The following NFATC1 variants were observed in gnomAD, a reference collection of about 807,000 sequenced individuals.
The protein encoded by NFATC1 is nuclear factor of activated T cells 1.
In NFATC1, 22 loss-of-function variants were observed where a neutral mutation model predicts 76.0. The observed-to-expected ratio is 0.29, with a 90% CI of 0.21 to 0.41. The LOEUF is 0.41. NFATC1 is among the 10% of genes least tolerant of loss of function. NFATC1 has a pLI of 1.00. For missense variants in NFATC1, 1,357 were observed against 1,337.7 expected (o/e 1.01, Z -0.23); for synonymous variants, 704 against 613.1 (o/e 1.15, Z -2.19).
chr18:79,469,497 T>G (rs2088685321), intron 8 of NFATC1: 6 of 985,358 alleles, frequency 6.1e-6, no homozygotes, highest in Non-Finnish European at 6.0e-6. Flanking sequence ...TCCTGCTACC[T>G]CCAGTCCACA....
At chr18:79,496,123 C>T (rs985873496) in intron 9 of NFATC1, 12 of 152,546 alleles carry the variant, frequency 7.9e-5, no homozygotes, top group African/African-American at 2.9e-4. Flanking sequence ...CTGTTTTCCT[C>T]CTACAGATGA....
intron 6 of NFATC1, among the ~76,000 whole-genome samples, chr18:79,452,326 T>C (rs35163331): frequency 0.33 from 50,456 of 152,160 alleles, 11,070 homozygotes; most frequent in African/African-American, 0.62. Context: ...TGTGTGAGGC[T>C]CTTGTGCCCC....
intron 1 of NFATC1, among the ~76,000 whole-genome samples, chr18:79,398,991 C>G (rs1469007683): frequency 6.6e-6 from 1 of 152,330 alleles, no homozygotes; most frequent in East Asian, 1.9e-4. Flanking sequence ...CGCTTGAACT[C>G]GGAAGGCGGA....
chr18:79,499,319 A>G (rs2089964488), intron 9 of NFATC1, among the ~76,000 whole-genome samples: 1 of 150,058 alleles, frequency 6.7e-6, no homozygotes, highest in African/African-American at 2.4e-5. Context: ...CTCCAGAGGA[A>G]CCACTAAGAA....
At chr18:79,438,591 C>T (rs115532116) in intron 3 of NFATC1, among the ~76,000 whole-genome samples, 2,097 of 152,354 alleles carry the variant, frequency 0.014, 54 homozygotes, top group African/African-American at 0.046. Flanking sequence ...CGAGAAGCCT[C>T]GGCCCGTTCT....
Position 79,525,966 on chromosome 18 carries a change from C to T in NFATC1, c.2783-1562C>T, listed in dbSNP as rs548468064. On this transcript the variant is annotated intron_variant, in intron 9 of 9. Transcript: ENST00000427363. ...CACAGATGCCAAGCACAGCAGGGCA[C>T]GGAGCTCCTGGGGGCCGCTGCACTC... Among the ~76,000 whole-genome samples the T allele has an allele frequency of 1.1e-4, 17 of 152,378 alleles. No individual in the cohort carries two copies. The South Asian group carries it at 1.9e-3, about 17-fold the overall frequency.
intron 9 of NFATC1, among the ~76,000 whole-genome samples, chr18:79,492,929 G>C (rs952220137): frequency 9.5e-6 from 1 of 105,684 alleles, no homozygotes; most frequent in African/African-American, 4.1e-5. Context: ...TTTTTTTTAG[G>C]ATTTCTTTGC....
rs202219838 is a variant in NFATC1 at position 79,445,787 on chromosome 18, G to C, written c.1387-2995G>C. ...GCCTTGGCTCCGTTTCTGTGCAGCAGCTCAGACTATGGGGTGGAGGGTGAG... is the reference window on the plus strand; with the variant it reads ...GCCTTGGCTCCGTTTCTGTGCAGCACCTCAGACTATGGGGTGGAGGGTGAG... On this transcript the variant is annotated intron_variant, in intron 3 of 9. Coordinates refer to ENST00000427363, the MANE Select transcript of NFATC1 (RefSeq NM_001278669.2). Among the ~76,000 whole-genome samples the C allele has an allele frequency of 7.2e-5, 11 of 152,350 alleles. No individual in the cohort carries two copies. The East Asian group carries it at 2.1e-3, about 29-fold the overall frequency.
At chr18:79,463,450 G>A (rs1034111159) in intron 7 of NFATC1, among the ~76,000 whole-genome samples, 4 of 148,138 alleles carry the variant, frequency 2.7e-5, no homozygotes, top group Non-Finnish European at 5.9e-5. Flanking sequence ...GCCTGTTCCC[G>A]TGTCCATACC....
At chr18:79,505,879 C>A (rs1428942939) in intron 9 of NFATC1, among the ~76,000 whole-genome samples, 2 of 144,752 alleles carry the variant, frequency 1.4e-5, no homozygotes, top group Non-Finnish European at 3.1e-5. Context: ...GTGCTGGAGG[C>A]CCTTGGATGA....
At position 79,479,600 on chromosome 18, in the gene NFATC1, T is replaced by C. The variant is rs972022505; in HGVS notation, c.2093-6648T>C. Among the ~76,000 whole-genome samples, 19 of 152,366 alleles carry C rather than the reference T, an allele frequency of 1.2e-4. 1 individual carries two copies. Among genetic ancestry groups the C allele is most frequent in the Admixed American group, 5.2e-4 (8 of 15,312 alleles). On this transcript the variant is annotated intron_variant, in intron 8 of 9. Transcript: ENST00000427363. ...CAGCCGTGTGGCTTTCCTTTGCTTG[T>C]GAAGGTGAGTTTGCACTTTCCAGCT... is the stretch of plus-strand genomic sequence containing the variant.
At chr18:79,433,442 C>A in intron 2 of NFATC1, 137 bp from the exon 3 acceptor site, 1 of 1,020,954 alleles carries the variant, frequency 9.8e-7, no homozygotes, top group African/African-American at 1.6e-5. Context: ...TTGACACAGG[C>A]TTCTCCATCT....
At chr18:79,404,766 C>T (rs116014524) in intron 1 of NFATC1, among the ~76,000 whole-genome samples, 10,175 of 152,226 alleles carry the variant, frequency 0.067, 396 homozygotes, top group East Asian at 0.13. Flanking sequence ...CTGTCCTGCC[C>T]TGCGCACAGC....
At chr18:79,414,181 C>G (rs1165487659) in intron 2 of NFATC1, among the ~76,000 whole-genome samples, 4 of 152,178 alleles carry the variant, frequency 2.6e-5, no homozygotes, top group African/African-American at 9.7e-5. Context: ...AGACTTCCTT[C>G]CCCAGGAATG....
chr18:79,512,607 G>A (rs751756251), intron 9 of NFATC1, among the ~76,000 whole-genome samples: 23 of 152,108 alleles, frequency 1.5e-4, no homozygotes, highest in Non-Finnish European at 2.6e-4. Flanking sequence ...TGTGCTTCCC[G>A]TTTGCTGAGC....
chr18:79,484,292 C>T (rs1569019298), intron 8 of NFATC1, among the ~76,000 whole-genome samples: 1 of 152,120 alleles, frequency 6.6e-6, no homozygotes, highest in African/African-American at 2.4e-5. Context: ...CCAGGAAGGC[C>T]TGGCACGACC....
At chr18:79,414,343 A>G (rs375989470) in intron 2 of NFATC1, among the ~76,000 whole-genome samples, 21 of 152,344 alleles carry the variant, frequency 1.4e-4, no homozygotes, top group African/African-American at 4.6e-4. Flanking sequence ...ACCGTGGTAC[A>G]GAACTGCTGC....
intron 9 of NFATC1, among the ~76,000 whole-genome samples, chr18:79,500,863 C>T (rs773157752): frequency 1.3e-5 from 2 of 152,134 alleles, no homozygotes; most frequent in Non-Finnish European, 2.9e-5. Flanking sequence ...AACATATTCT[C>T]ACAAAGAAAA....
At chr18:79,487,703 C>T (rs1292137439) in intron 9 of NFATC1, among the ~76,000 whole-genome samples, 3 of 152,240 alleles carry the variant, frequency 2.0e-5, no homozygotes, top group Admixed American at 6.5e-5. Flanking sequence ...CACTTTAAGG[C>T]GCAGCCCGAC....
Sources: allele counts gnomAD v4.1 joint callset (sites outside exome capture counted in the v4.1 genomes callset), GRCh38; gene constraint gnomAD v4.1.1; transcripts MANE v1.5; gene names NCBI Gene and HGNC (gene_info 2026-07-23, HGNC 2026-07-21).